Variants in ROCK2 observed in about 807,000 individuals in gnomAD.
The protein encoded by ROCK2 is rho-associated protein kinase 2.
ROCK2 carries 61 observed loss-of-function variants against 195.1 expected under a neutral mutation model. The ratio of observed to expected loss-of-function variants is 0.31; its 90% CI spans 0.25 to 0.39. The LOEUF is 0.39. Among genes scored for constraint, ROCK2 ranks in the 10% least tolerant of loss-of-function variants. The pLI is 1.00. For synonymous variants in ROCK2, 504 were observed against 545.5 expected, an observed-to-expected ratio of 0.92 and a Z score of 1.06; for missense variants, 1,109 against 1,637.4, an observed-to-expected ratio of 0.68 and a Z score of 5.57.
chr2:11,194,047 T>G (rs981804883), intron 29 of ROCK2, 190 bp from the exon 30 acceptor site: 3 of 456,364 alleles, frequency 6.6e-6, no homozygotes, highest in African/African-American at 6.1e-5. Flanking sequence ...AATTTTCTAA[T>G]TAGTTTCAAA....
intron 7 of ROCK2, 124 bp from the exon 8 acceptor site, chr2:11,222,298 C>A: frequency 1.7e-6 from 1 of 579,394 alleles, no homozygotes; most frequent in Non-Finnish European, 3.0e-6. Flanking sequence ...TTAAAAGCTT[C>A]AGCTTAAATG....
intron 5 of ROCK2, among the ~76,000 whole-genome samples, chr2:11,229,450 G>A (rs1244112268): frequency 6.6e-6 from 1 of 151,906 alleles, no homozygotes; most frequent in African/African-American, 2.4e-5. Context: ...GGCAAAGGAT[G>A]GAAAGAAGGG....
At chr2:11,288,009 G>A (rs1404089716) in intron 1 of ROCK2, among the ~76,000 whole-genome samples, 2 of 152,108 alleles carry the variant, frequency 1.3e-5, no homozygotes, top group Non-Finnish European at 2.9e-5. Flanking sequence ...ATTTTTGCTA[G>A]ACAGATGTCT....
chr2:11,283,995 C>G (rs1457112668), intron 3 of ROCK2, among the ~76,000 whole-genome samples: 1 of 152,160 alleles, frequency 6.6e-6, no homozygotes, highest in Non-Finnish European at 1.5e-5. Context: ...TTGTCAAAAC[C>G]TGGAGGCAAT....
At chr2:11,268,992 C>T (rs1489251024) in intron 3 of ROCK2, among the ~76,000 whole-genome samples, 2 of 152,122 alleles carry the variant, frequency 1.3e-5, no homozygotes, top group African/African-American at 4.8e-5. Flanking sequence ...CTTCATTTTA[C>T]TATATACAAG....
In ROCK2 at chr2:11,190,405, G is replaced by C. The variant is rs79006006; in HGVS notation, c.4163+1743C>G. Among the ~76,000 whole-genome samples the C allele has an allele frequency of 4.1e-3, 626 of 151,286 alleles. 3 individuals are homozygous for C. Among genetic ancestry groups the C allele is most frequent in the African/African-American group, 0.014 (588 of 41,270 alleles). ...AAAGTAACAAAAATCAAAAGTAAATGTACTCTCAAATAGACCATAATGCTG... is the reference window on the plus strand; with the variant it reads ...AAAGTAACAAAAATCAAAAGTAAATCTACTCTCAAATAGACCATAATGCTG... On this transcript the variant is annotated intron_variant, in intron 32 of 32. Transcript: ENST00000315872.
intron 10 of ROCK2, among the ~76,000 whole-genome samples, chr2:11,218,728 G>A (rs1664517757): frequency 6.6e-6 from 1 of 151,934 alleles, no homozygotes; most frequent in African/African-American, 2.4e-5. Flanking sequence ...ATCACTTTTG[G>A]CACTCAATTA....
In ROCK2 at chr2:11,215,597, CTCTT is replaced by C; in HGVS notation, c.1506_1509del (p.Arg503LysfsTer33). ...TTTTTGTGCTGAAGAAGCGCCTTTT[CTCTT>C]TCTAACTGTCTTAATGCTGATTCCA... On this transcript the variant is annotated frameshift_variant, in exon 14 of 33. Coordinates refer to ENST00000315872, the MANE Select transcript of ROCK2 (RefSeq NM_004850.5). LOFTEE classifies it high-confidence loss of function. The C allele has an allele frequency of 1.2e-6, 2 of 1,613,400 alleles. No individual in the cohort carries two copies. Among genetic ancestry groups the C allele is most frequent in the Non-Finnish European group, 1.7e-6 (2 of 1,179,626 alleles).
At position 11,344,044 on chromosome 2, in the gene ROCK2, C is replaced by T; in HGVS notation, c.93G>A (p.Glu31=). ...GGGAGCGAGGGTCTCGGATCAGCGC[C>T]TCCAGCTTCCTCTGGCGGCTCGCGC... ...GAGASRQRKL[E]ALIRDPRSPI... Residue 31 remains glutamate, a synonymous_variant, in exon 1 of 33, where the codon GAG becomes GAA. Transcript: ENST00000315872. This position sits in a 1 kb window ranked among gnomAD's most constrained non-coding sequence, Gnocchi z 5.4. 1 of 1,586,390 alleles carries T rather than the reference C, an allele frequency of 6.3e-7. No individual in the cohort carries two copies. The highest frequency in any genetic ancestry group is 8.6e-7 in the Non-Finnish European group (1 of 1,167,950).
intron 32 of ROCK2, among the ~76,000 whole-genome samples, chr2:11,186,224 T>G (rs1421876667): frequency 2.0e-5 from 3 of 152,198 alleles, no homozygotes; most frequent in Non-Finnish European, 4.4e-5. Flanking sequence ...CTCACTTCTC[T>G]AGACTTATAT....
chr2:11,216,316 T>G, intron 12 of ROCK2, 110 bp from the exon 13 acceptor site: 1 of 816,264 alleles, frequency 1.2e-6, no homozygotes, highest in Non-Finnish European at 2.0e-6. Context: ...TTTATTTTTC[T>G]GAGACGAAGT....
intron 1 of ROCK2, among the ~76,000 whole-genome samples, chr2:11,316,457 A>G (rs1668195042): frequency 6.6e-6 from 1 of 152,202 alleles, no homozygotes; most frequent in African/African-American, 2.4e-5. Flanking sequence ...TGAGAATGGC[A>G]AATTATTCCA....
intron 3 of ROCK2, among the ~76,000 whole-genome samples, chr2:11,273,877 C>T (rs1479521534): frequency 6.7e-6 from 1 of 148,666 alleles, no homozygotes; most frequent in Admixed American, 6.8e-5. Flanking sequence ...GGCAGTGAGC[C>T]GAGGTTGCGC....
At position 11,192,204 on chromosome 2, in the gene ROCK2, T is replaced by C. The variant is rs761262690; in HGVS notation, c.4107A>G (p.Ile1369Met). The C allele has an allele frequency of 1.2e-6, 2 of 1,613,762 alleles. No individual in the cohort carries two copies. The highest frequency in any genetic ancestry group is 1.7e-6 in the Non-Finnish European group (2 of 1,179,862). ...GCCGTCTAATAGACTGGTTTTGCTG[T>C]ATCTTCATTGAAGTTCTAGGAGATG... is the stretch of plus-strand genomic sequence containing the variant. ...ARSSPRTSMK[I>M]QQNQSIRRPS... The change falls in exon 32 of 33, where the codon ATA becomes ATG. Residue 1369 changes from isoleucine (I) to methionine (M), a missense_variant. Transcript: ENST00000315872. The surrounding 1 kb of genome is among the most constrained non-coding windows in gnomAD (Gnocchi z 5.0).
chr2:11,197,238 C>A lies in ROCK2; in HGVS notation c.3390G>T (p.Leu1130=). Residue 1130 remains leucine (L), a synonymous_variant, in exon 27 of 33, where the codon CTG becomes CTT. Coordinates refer to ENST00000315872, the MANE Select transcript of ROCK2 (RefSeq NM_004850.5). The surrounding 1 kb of genome is among the most constrained non-coding windows in gnomAD (Gnocchi z 4.9). ...GTCCACTGCCTATACTGGAACTATC[C>A]AGACCAATATGCAAGGCTTGGAGTT... The part of the protein sequence containing the change: ...RSQLQALHIG[L]DSSSIGSGPG... The A allele has an allele frequency of 6.2e-7, 1 of 1,614,038 alleles. No individual in the cohort carries two copies. The highest frequency in any genetic ancestry group is 8.5e-7 in the Non-Finnish European group (1 of 1,179,916).
intron 20 of ROCK2, 60 bp from the exon 21 acceptor site, chr2:11,202,181 T>C: frequency 1.5e-6 from 2 of 1,378,024 alleles, no homozygotes; most frequent in Non-Finnish European, 2.1e-6. Flanking sequence ...CGAGCAGCTC[T>C]CAAAGTATGG....
chr2:11,269,250 G>A (rs1666537553), intron 3 of ROCK2, among the ~76,000 whole-genome samples: 1 of 152,110 alleles, frequency 6.6e-6, no homozygotes, highest in South Asian at 2.1e-4. Flanking sequence ...GGTGGCTCAT[G>A]CCTGTAATAT....
At chr2:11,310,345 G>A (rs1667994187) in intron 1 of ROCK2, among the ~76,000 whole-genome samples, 1 of 152,184 alleles carries the variant, frequency 6.6e-6, no homozygotes, top group Non-Finnish European at 1.5e-5. Flanking sequence ...GGTTAAAGCA[G>A]AGTTGGGTTC....
chr2:11,283,587 C>CAAGCAAGAAAGAAAGA (rs374906700), intron 3 of ROCK2, among the ~76,000 whole-genome samples: 3 of 126,484 alleles, frequency 2.4e-5, no homozygotes, highest in Non-Finnish European at 4.8e-5. Flanking sequence ...AAAAAAAAAG[C>CAAGCAAGAAAGAAAGA]AAGAAAGAAA....
Sources: allele counts gnomAD v4.1 joint callset (sites outside exome capture counted in the v4.1 genomes callset), GRCh38; gene constraint gnomAD v4.1.1; non-coding constraint Gnocchi (gnomAD v3.1); transcripts MANE v1.5; gene names NCBI Gene and HGNC (gene_info 2026-07-23, HGNC 2026-07-21).